Variants in SMAD1 observed in about 807,000 individuals in gnomAD.
The protein encoded by SMAD1 is MAD, mothers against decapentaplegic homolog 1.
A neutral mutation model predicts 41.6 loss-of-function variants in SMAD1; 6 were observed. The observed-to-expected ratio is 0.14, with a 90% CI of 0.08 to 0.28. The LOEUF (loss-of-function observed/expected upper bound fraction) is 0.28, where lower values mean the gene tolerates loss of function less well. Among genes scored for constraint, SMAD1 ranks in the 10% least tolerant of loss-of-function variants. The probability of loss-of-function intolerance (pLI) is 1.00; values close to 1 mark genes in which losing one functional copy is unlikely to be tolerated. For missense variants in SMAD1, 379 were observed against 582.6 expected, an observed-to-expected ratio of 0.65 and a Z score of 3.60; for synonymous variants, 206 against 203.2, an observed-to-expected ratio of 1.01 and a Z score of -0.12.
Position 145,557,850 on chromosome 4 carries a change from A to G in SMAD1, c.1314A>G (p.Ile438Met). 6.2e-7 allele frequency: 1 copy of G among 1,612,708 alleles called. No homozygotes were observed. Among genetic ancestry groups the G allele is most frequent in the Non-Finnish European group, 8.5e-7 (1 of 1,179,014 alleles). Residue 438 changes from isoleucine (I) to methionine (M), a missense_variant, in exon 7 of 7, where the codon ATA (isoleucine) becomes ATG (methionine). This residue lies in a region of SMAD1 where 107 missense variants were observed against 218.3 expected (regional missense o/e 0.49). Coordinates refer to ENST00000302085, the MANE Select transcript of SMAD1 (RefSeq NM_005900.3). ...CTAGCACCCCCTGCTGGATTGAGAT[A>G]CATCTGCACGGCCCCCTCCAGTGGC... Reference protein sequence around the residue: ...DVTSTPCWIEIHLHGPLQWLD... With the variant: ...DVTSTPCWIEMHLHGPLQWLD...
At chr4:145,511,075 A>G (rs567619552) in intron 1 of SMAD1, among the ~76,000 whole-genome samples, 16 of 152,248 alleles carry the variant, frequency 1.1e-4, no homozygotes, top group African/African-American at 2.9e-4. Context: ...CTTGCTTTCA[A>G]TACTGTGTTC....
intron 2 of SMAD1, among the ~76,000 whole-genome samples, chr4:145,530,769 A>G (rs1308466026): frequency 6.6e-6 from 1 of 152,180 alleles, no homozygotes; most frequent in Non-Finnish European, 1.5e-5. Context: ...TGGAAAAAGA[A>G]TTTAAAAAAC....
intron 2 of SMAD1, among the ~76,000 whole-genome samples, chr4:145,516,388 T>C (rs1730390492): frequency 6.6e-6 from 1 of 152,230 alleles, no homozygotes; most frequent in Non-Finnish European, 1.5e-5. Flanking sequence ...TGGGAATTTA[T>C]TGGAATTTCG....
At chr4:145,510,543 TG>T (rs1304375961) in intron 1 of SMAD1, among the ~76,000 whole-genome samples, 2 of 152,190 alleles carry the variant, frequency 1.3e-5, no homozygotes, top group African/African-American at 4.8e-5. Context: ...TCAATAACAA[TG>T]TTTTTATTGA....
At chr4:145,489,564 A>G (rs1380627691) in intron 1 of SMAD1, among the ~76,000 whole-genome samples, 2 of 152,242 alleles carry the variant, frequency 1.3e-5, no homozygotes, top group African/African-American at 4.8e-5. Flanking sequence ...ATATATCCTT[A>G]AGTTTCTAAA....
chr4:145,528,075 A>T (rs1192032525), intron 2 of SMAD1, among the ~76,000 whole-genome samples: 2 of 149,026 alleles, frequency 1.3e-5, no homozygotes, highest in African/African-American at 5.0e-5. Flanking sequence ...ACACACACAC[A>T]CACACACACA....
At chr4:145,496,985 T>C (rs1729114341) in intron 1 of SMAD1, 1 of 152,242 alleles carries the variant, frequency 6.6e-6, no homozygotes. Flanking sequence ...TATGTTTTTA[T>C]AATATACTAA....
At chr4:145,534,635 A>G (rs1578804070) in intron 2 of SMAD1, among the ~76,000 whole-genome samples, 1 of 152,218 alleles carries the variant, frequency 6.6e-6, no homozygotes, top group South Asian at 2.1e-4. Flanking sequence ...GAACTTTTTT[A>G]AAGCGGCAAC....
chr4:145,495,888 G>A (rs1560725499), intron 1 of SMAD1, among the ~76,000 whole-genome samples: 1 of 151,498 alleles, frequency 6.6e-6, no homozygotes, highest in African/African-American at 2.4e-5. Context: ...GGGATTACAG[G>A]TGTGAGCCAT....
chr4:145,494,240 G>T (rs535672768), intron 1 of SMAD1, among the ~76,000 whole-genome samples: 1 of 152,196 alleles, frequency 6.6e-6, no homozygotes, highest in East Asian at 1.9e-4. Flanking sequence ...GATTACAGGC[G>T]TGAGCCACCG....
chr4:145,555,679 T>C (rs925534139), intron 6 of SMAD1, among the ~76,000 whole-genome samples: 4 of 151,504 alleles, frequency 2.6e-5, no homozygotes, highest in African/African-American at 9.7e-5. Context: ...AAACAACCTT[T>C]ACACTAATAA....
At chr4:145,547,538 T>G (rs1448071152) in intron 5 of SMAD1, among the ~76,000 whole-genome samples, 1 of 152,014 alleles carries the variant, frequency 6.6e-6, no homozygotes, top group Non-Finnish European at 1.5e-5. Context: ...CTAGGCTGAG[T>G]GGAGTAGATA....
chr4:145,538,722 T>C (rs1731753277), intron 2 of SMAD1, among the ~76,000 whole-genome samples: 1 of 152,146 alleles, frequency 6.6e-6, no homozygotes, highest in South Asian at 2.1e-4. Flanking sequence ...CTCTCCTCTC[T>C]CCTCTCATGC....
At position 145,546,489 on chromosome 4, in the gene SMAD1, TTGTTCTCCAA is replaced by T; in HGVS notation, c.776-212_776-203del. The stretch of plus-strand genomic sequence containing the variant: ...GTTATCTGATAGTAATTGGAGAAAA[TTGTTCTCCAA>T]TTTTCTCCAATTAGGAGAATAAGGA... On this transcript the variant is annotated intron_variant, in intron 4 of 6. Transcript: ENST00000302085. 3 of 540,334 alleles carry T rather than the reference TTGTTCTCCAA, an allele frequency of 5.6e-6. No individual in the cohort carries two copies. The Admixed American group carries it at 9.4e-5, about 17-fold the overall frequency. 33.5% of individuals were successfully genotyped at this position (540,334 alleles called of 1,614,324 possible).
chr4:145,483,931 AT>A (rs775131520), intron 1 of SMAD1, among the ~76,000 whole-genome samples: 122 of 152,240 alleles, frequency 8.0e-4, no homozygotes, highest in Non-Finnish European at 1.6e-3. Context: ...AGAAATGACA[AT>A]TTTTAGGCAA....
intron 2 of SMAD1, among the ~76,000 whole-genome samples, chr4:145,529,863 C>T (rs1484517416): frequency 6.6e-6 from 1 of 152,110 alleles, no homozygotes; most frequent in Non-Finnish European, 1.5e-5. Flanking sequence ...GCTGTATTCA[C>T]CCAGAATTGC....
intron 6 of SMAD1, 140 bp downstream of exon 6, chr4:145,554,180 A>T: frequency 1.3e-6 from 1 of 767,126 alleles, no homozygotes; most frequent in Non-Finnish European, 2.0e-6. Context: ...AGGCATTTTT[A>T]AACTTTAACA....
At chr4:145,516,070 C>G (rs147991086) in intron 2 of SMAD1, among the ~76,000 whole-genome samples, 1,730 of 152,302 alleles carry the variant, frequency 0.011, 15 homozygotes, top group Middle Eastern at 0.031. Flanking sequence ...ACAAACATCT[C>G]TGTATCCCCT....
intron 2 of SMAD1, among the ~76,000 whole-genome samples, chr4:145,527,193 G>A (rs1019464373): frequency 1.3e-5 from 2 of 151,890 alleles, no homozygotes; most frequent in African/African-American, 4.8e-5. Context: ...GCTGGACACT[G>A]TGCTTATCAC....
Sources: allele counts gnomAD v4.1 joint callset (sites outside exome capture counted in the v4.1 genomes callset), GRCh38; gene constraint gnomAD v4.1.1; regional missense constraint gnomAD v4.1.1; transcripts MANE v1.5; gene names NCBI Gene and HGNC (gene_info 2026-07-23, HGNC 2026-07-21).